SEMA3C: variants seen among roughly 807,000 people sequenced by gnomAD.
The protein encoded by SEMA3C is semaphorin-3C.
Under a neutral mutation model 89.4 loss-of-function variants are expected in SEMA3C, and 47 were observed. The observed-to-expected ratio is 0.53, with a 90% CI of 0.42 to 0.67. The LOEUF (loss-of-function observed/expected upper bound fraction) is 0.67. SEMA3C is among the 30% of genes least tolerant of loss of function. The probability of loss-of-function intolerance (pLI) is 0.00; values close to 1 mark genes in which losing one functional copy is unlikely to be tolerated. For missense variants in SEMA3C, 839 were observed against 929.1 expected, an observed-to-expected ratio of 0.90 and a Z score of 1.26; for synonymous variants, 310 against 320.2, an observed-to-expected ratio of 0.97 and a Z score of 0.34.
At chr7:80,898,500 T>C (rs1426000369) in intron 2 of SEMA3C, among the ~76,000 whole-genome samples, 2 of 152,056 alleles carry the variant, frequency 1.3e-5, no homozygotes, top group African/African-American at 4.8e-5. Flanking sequence ...GCAGAGTAAT[T>C]GTATTAATAA....
rs753531236 is a variant in SEMA3C, at chr7:80,789,388, G to A, written c.1272C>T (p.Gly424=). Residue 424 remains glycine, a synonymous_variant, in exon 12 of 18, where the codon GGC becomes GGT. Transcript: ENST00000265361. ...IHKRPLIVRI[G]TDYKYTKIAV... is the part of the protein sequence containing the mutation. The stretch of plus-strand genomic sequence containing the variant: ...CTATCTTTGTATACTTGTAGTCAGT[G>A]CCAATACGAACAATCAAAGGCCTTT... 1.9e-6 allele frequency: 3 copies of A among 1,614,048 alleles called. No individual in the cohort carries two copies. The highest frequency in any genetic ancestry group is 2.2e-5 in the South Asian group (2 of 91,074).
chr7:80,899,551 C>T (rs114716653), intron 2 of SEMA3C, among the ~76,000 whole-genome samples: 1,617 of 152,214 alleles, frequency 0.011, 24 homozygotes, highest in African/African-American at 0.037. Context: ...ACCCTGGAGA[C>T]AGCATTCTTA....
rs1788888654 is a variant in SEMA3C at position 80,789,633 on chromosome 7, TTAAGTA to T, written c.1132-111_1132-106del. ...AAATCACTTAGAAGCTCCAGTTGTT[TTAAGTA>T]TATCTGCTACCTATGGAAGTGAAAA... On this transcript the variant is annotated intron_variant, in intron 11 of 17. Coordinates refer to ENST00000265361, the MANE Select transcript of SEMA3C (RefSeq NM_006379.5). The T allele has an allele frequency of 4.0e-6, 3 of 759,416 alleles. No homozygotes were observed. The South Asian group carries it at 5.8e-5, about 15-fold the overall frequency. The allele number at this position is 759,416 out of a possible 1,614,324, so 47.0% of individuals were successfully genotyped here. A position where few individuals can be genotyped will look rare whatever the true frequency, so the allele number is the denominator to read the frequency against.
intron 4 of SEMA3C, among the ~76,000 whole-genome samples, chr7:80,825,536 A>G (rs1789852603): frequency 6.6e-6 from 1 of 152,188 alleles, no homozygotes; most frequent in Admixed American, 6.5e-5. Flanking sequence ...AAAACCCCAG[A>G]GGGTTTCTAC....
intron 10 of SEMA3C, among the ~76,000 whole-genome samples, chr7:80,798,705 A>C (rs913684392): frequency 2.6e-5 from 4 of 152,172 alleles, no homozygotes; most frequent in African/African-American, 9.7e-5. Flanking sequence ...GGTATCCTGA[A>C]TACTAGTTGG....
chr7:80,794,647 T>C (rs1789019817), intron 11 of SEMA3C, among the ~76,000 whole-genome samples: 1 of 152,100 alleles, frequency 6.6e-6, no homozygotes, highest in African/African-American at 2.4e-5. Context: ...CTGTTATACT[T>C]ATAAAGAGAT....
chr7:80,832,335 C>A (rs1790026045), intron 2 of SEMA3C, among the ~76,000 whole-genome samples: 1 of 152,094 alleles, frequency 6.6e-6, no homozygotes, highest in Admixed American at 6.6e-5. Context: ...TATACATTGG[C>A]AATAATAATA....
rs1444187068 is a variant in SEMA3C at position 80,743,034 on chromosome 7, C to T, written c.*1860G>A. On this transcript the variant is annotated 3_prime_UTR_variant, in exon 18 of 18. Transcript: ENST00000265361. ...GAACTGTGACTCTGAAACAATTTTA[C>T]TTTTAACTTTGAGAATAGATTGGCC... 1 of 151,896 alleles carries T rather than the reference C, an allele frequency of 6.6e-6. No individual in the cohort carries two copies. The highest frequency in any genetic ancestry group is 1.5e-5 in the Non-Finnish European group (1 of 67,816). 9.4% of individuals were successfully genotyped at this position (151,896 alleles called of 1,614,324 possible).
At chr7:80,876,571 G>T (rs192496860) in intron 2 of SEMA3C, among the ~76,000 whole-genome samples, 2 of 152,254 alleles carry the variant, frequency 1.3e-5, no homozygotes, top group African/African-American at 4.8e-5. Context: ...GATTAAACAA[G>T]TTGTAGTAAA....
At chr7:80,779,884 A>G (rs1224320920) in intron 12 of SEMA3C, among the ~76,000 whole-genome samples, 2 of 152,202 alleles carry the variant, frequency 1.3e-5, no homozygotes, top group African/African-American at 2.4e-5. Context: ...TAAAGAGCCA[A>G]TGAGGAGATC....
intron 15 of SEMA3C, among the ~76,000 whole-genome samples, chr7:80,754,964 T>TTTGTTTTTTTTGTTTTTTG (rs1554359505): frequency 6.3e-4 from 82 of 129,188 alleles, no homozygotes; most frequent in Non-Finnish European, 1.3e-3. Flanking sequence ...TTTGTTTTTT[T>TTTGTTTTTTTTGTTTTTTG]TTTTTTTGTA....
intron 2 of SEMA3C, among the ~76,000 whole-genome samples, chr7:80,829,634 G>A (rs1440718620): frequency 6.6e-6 from 1 of 152,066 alleles, no homozygotes. Context: ...TGAATTTTCA[G>A]GTATCTAAAT....
intron 10 of SEMA3C, among the ~76,000 whole-genome samples, chr7:80,800,356 G>A (rs1224993011): frequency 6.6e-6 from 1 of 152,076 alleles, no homozygotes. Context: ...TCAGACATAT[G>A]TATACACTTG....
intron 12 of SEMA3C, among the ~76,000 whole-genome samples, chr7:80,772,579 G>A (rs1174815169): frequency 1.3e-5 from 2 of 152,056 alleles, no homozygotes; most frequent in Non-Finnish European, 2.9e-5. Flanking sequence ...TTTGAGGGGA[G>A]GCCCTTAGAA....
chr7:80,771,552 C>T (rs1322469331), intron 12 of SEMA3C, among the ~76,000 whole-genome samples: 1 of 152,078 alleles, frequency 6.6e-6, no homozygotes, highest in East Asian at 1.9e-4. Flanking sequence ...TGTCTCTAGC[C>T]AAGAAATCAG....
In SEMA3C at chr7:80,802,619, T is replaced by C. The variant is rs578232690; in HGVS notation, c.916+46A>G. The C allele has an allele frequency of 1.8e-5, 24 of 1,305,600 alleles. No homozygotes were observed. The South Asian group carries it at 2.1e-4, about 11-fold the overall frequency. The allele number at this position is 1,305,600 out of a possible 1,614,324, so 80.9% of individuals were successfully genotyped here. ...AGACCTTATTTAAATATATAAACTT[T>C]ACAAGCCTTCTTTCAGAAGCATTTT... On this transcript the variant is annotated intron_variant, in intron 9 of 17. Transcript: ENST00000265361.
intron 10 of SEMA3C, among the ~76,000 whole-genome samples, chr7:80,800,084 C>T (rs1326273548): frequency 4.8e-5 from 7 of 146,358 alleles, no homozygotes; most frequent in African/African-American, 1.0e-4. Context: ...ACCCCAGAGG[C>T]GGAGCTTGCA....
chr7:80,890,016 G>C (rs1210421634), intron 2 of SEMA3C, among the ~76,000 whole-genome samples: 1 of 152,142 alleles, frequency 6.6e-6, no homozygotes, highest in Non-Finnish European at 1.5e-5. Flanking sequence ...AAGTAAATCA[G>C]ATTAGATGTG....
At chr7:80,826,609 TG>T (rs1409931228) in intron 4 of SEMA3C, among the ~76,000 whole-genome samples, 2 of 152,092 alleles carry the variant, frequency 1.3e-5, no homozygotes, top group Non-Finnish European at 2.9e-5. Flanking sequence ...GAGCAAATAA[TG>T]GAAGGAATGA....
Sources: gnomAD v4.1 joint callset for allele counts (sites outside exome capture counted in the v4.1 genomes callset) on GRCh38, gnomAD v4.1.1 for gene constraint, MANE v1.5 for transcripts, NCBI Gene and HGNC (gene_info 2026-07-23, HGNC 2026-07-21) for gene names.